The following RGS12 variants were observed in gnomAD, a reference collection of about 807,000 sequenced individuals.
RGS12 encodes the protein regulator of G-protein signaling 12.
In RGS12, 66 loss-of-function variants were observed where a neutral mutation model predicts 120.1. That is an observed-to-expected ratio of 0.55 (90% CI 0.45 to 0.67). The LOEUF (loss-of-function observed/expected upper bound fraction) is 0.67, where lower values mean the gene tolerates loss of function less well. Ranked by LOEUF, RGS12 falls within the 30% of genes least tolerant of loss-of-function variation. The pLI, the probability that RGS12 is intolerant of heterozygous loss-of-function variation, is 0.00. For synonymous variants in RGS12, 827 were observed against 804.7 expected (o/e 1.03, Z -0.47); for missense variants, 1,859 against 1,957.7 (o/e 0.95, Z 0.95).
Position 3,316,649 on chromosome 4 carries a change from AT to A in RGS12, c.481del (p.Ser161GlnfsTer4). 6.2e-7 allele frequency: 1 copy of A among 1,614,136 alleles called. No individual in the cohort carries two copies. Among genetic ancestry groups the A allele is most frequent in the Non-Finnish European group, 8.5e-7 (1 of 1,180,018 alleles). On this transcript the variant is annotated frameshift_variant, in exon 2 of 18. Coordinates refer to ENST00000336727, the MANE Select transcript of RGS12 (RefSeq NM_001394154.1). LOFTEE classifies it high-confidence loss of function. ...GAAAACCCGAGCCTTTGTGCGAGCA[AT>A]TCAGAGCCCTTGAAATTGAAACAAA... ...IFENPSLCAS[N>X]SEPLKLKQRS...
chr4:3,294,943 G>C (rs1723284751), intron 1 of RGS12, among the ~76,000 whole-genome samples: 2 of 152,190 alleles, frequency 1.3e-5, no homozygotes, highest in South Asian at 2.1e-4. Context: ...GAGAGGGCAG[G>C]GGTGGCGCGG....
intron 3 of RGS12, among the ~76,000 whole-genome samples, chr4:3,371,410 C>T (rs548845455): frequency 6.6e-6 from 1 of 152,148 alleles, no homozygotes; most frequent in Non-Finnish European, 1.5e-5. Context: ...GCCATTTGTA[C>T]TTATTTGTAG....
chr4:3,323,872 TGA>T (rs72232319), intron 2 of RGS12: 34,590 of 138,208 alleles, frequency 0.25, 4,563 homozygotes, highest in East Asian at 0.32. Flanking sequence ...TGTGTGTGTG[TGA>T]GAGAGAGAGA....
intron 3 of RGS12, among the ~76,000 whole-genome samples, chr4:3,377,795 C>T (rs1225130672): frequency 3.3e-5 from 5 of 152,124 alleles, no homozygotes; most frequent in African/African-American, 7.2e-5. Context: ...TTCAAGAGAC[C>T]CACCGAGGAG....
rs2108865223 is a variant in RGS12 at position 3,365,805 on chromosome 4, T to TG, written c.1999-20608dup. ...CAGTCTGCTTTTTAAACCCATTATA[T>TG]GGGAAATTTTCTGAACTGTCCTTAA... On this transcript the variant is annotated intron_variant, in intron 3 of 17. Coordinates refer to ENST00000336727, the MANE Select transcript of RGS12 (RefSeq NM_001394154.1). This position sits in a 1 kb window ranked among gnomAD's most constrained non-coding sequence, Gnocchi z 4.0. 6.6e-6 allele frequency among the ~76,000 whole-genome samples: 1 copy of TG among 152,304 alleles called. No individual in the cohort carries two copies. The highest frequency in any genetic ancestry group is 1.9e-4 in the East Asian group (1 of 5,190).
intron 3 of RGS12, 86 bp downstream of exon 3, chr4:3,343,139 G>C (rs1203925339): frequency 2.1e-6 from 2 of 936,650 alleles, no homozygotes; most frequent in African/African-American, 3.3e-5. Flanking sequence ...GCTGTTTTTT[G>C]AGTCCCTGTG....
In RGS12 at chr4:3,411,629, C is replaced by T. The variant is rs188249048; in HGVS notation, c.2021-2443C>T. 1.1e-4 allele frequency among the ~76,000 whole-genome samples: 17 copies of T among 152,380 alleles called. No individual in the cohort carries two copies. In the East Asian group the frequency reaches 3.1e-3, roughly 28 times the overall value. On this transcript the variant is annotated intron_variant, in intron 4 of 17. Transcript: ENST00000336727. ...TCTGTGATGTTTTGCTCCTCACTTC[C>T]CTGGTGACAGGATATTAGGCAAGCA...
chr4:3,326,564 A>G (rs757838762), intron 2 of RGS12, among the ~76,000 whole-genome samples: 11 of 152,238 alleles, frequency 7.2e-5, no homozygotes, highest in Non-Finnish European at 1.5e-4. Context: ...ATATCTAGAA[A>G]AACCTAAAGA....
At chr4:3,391,290 A>C (rs1039952453) in intron 4 of RGS12, among the ~76,000 whole-genome samples, 4 of 152,232 alleles carry the variant, frequency 2.6e-5, no homozygotes, top group African/African-American at 9.6e-5. Flanking sequence ...TGGAGACTTG[A>C]TTTCTGCCAG....
chr4:3,425,119 A>C (rs950704418), intron 13 of RGS12, among the ~76,000 whole-genome samples: 1 of 152,182 alleles, frequency 6.6e-6, no homozygotes, highest in African/African-American at 2.4e-5. Flanking sequence ...CCTTGTTTAC[A>C]AAGGGGAACA....
chr4:3,349,396 T>A (rs1055653201), intron 3 of RGS12, among the ~76,000 whole-genome samples: 1 of 152,238 alleles, frequency 6.6e-6, no homozygotes, highest in Non-Finnish European at 1.5e-5. Context: ...TATTCATTTT[T>A]GTTTTTAACC....
intron 1 of RGS12, among the ~76,000 whole-genome samples, chr4:3,307,190 T>TTTGCCGACGTG (rs1265709689): frequency 6.6e-6 from 1 of 152,222 alleles, no homozygotes; most frequent in Non-Finnish European, 1.5e-5. Flanking sequence ...GGATACGGCC[T>TTTGCCGACGTG]TTGCCGACGT....
In RGS12 at chr4:3,423,506, C is replaced by A. The variant is rs762727872; in HGVS notation, c.3108-9C>A. 37 of 1,612,782 alleles carry A rather than the reference C, an allele frequency of 2.3e-5. 1 individual carries two copies. The highest frequency in any genetic ancestry group is 2.8e-5 in the Non-Finnish European group (33 of 1,179,574). ...TGAGTTGGTAGTGAATTTTTTCATCCCCCACCAGGCTGGATCTTGTTCCGA... is the reference window on the plus strand; with the variant it reads ...TGAGTTGGTAGTGAATTTTTTCATCACCCACCAGGCTGGATCTTGTTCCGA... On this transcript the variant is annotated splice_polypyrimidine_tract_variant and intron_variant, in intron 12 of 17. Transcript: ENST00000336727.
intron 1 of RGS12, among the ~76,000 whole-genome samples, chr4:3,309,500 C>T (rs1476966239): frequency 9.2e-6 from 1 of 108,276 alleles, no homozygotes; most frequent in African/African-American, 3.5e-5. Flanking sequence ...GGAGCTGGGA[C>T]CCGGGAAATG....
chr4:3,406,008 C>G (rs946682918), intron 4 of RGS12, among the ~76,000 whole-genome samples: 4 of 152,026 alleles, frequency 2.6e-5, no homozygotes, highest in African/African-American at 9.7e-5. Context: ...CTCGTATGTC[C>G]CGGCTCCCCC....
chr4:3,435,586 C>CT (rs1238516189), intron 17 of RGS12, among the ~76,000 whole-genome samples: 1 of 150,456 alleles, frequency 6.6e-6, no homozygotes, highest in African/African-American at 2.4e-5. Context: ...AGAGCCCTGT[C>CT]TCCCCCCAGC....
intron 11 of RGS12, 120 bp from the exon 12 acceptor site, chr4:3,422,785 G>T: frequency 9.6e-7 from 1 of 1,044,882 alleles, no homozygotes; most frequent in Non-Finnish European, 1.5e-6. Flanking sequence ...CGCTTTCTTT[G>T]GATGGCTGTT....
chr4:3,378,482 G>A (rs1717922932), intron 3 of RGS12: 1 of 152,236 alleles, frequency 6.6e-6, no homozygotes, highest in African/African-American at 2.4e-5. Flanking sequence ...AAACGAACCT[G>A]TGAATGGGAG....
rs543779980 is a variant in RGS12, at chr4:3,367,623, CT to C, written c.1999-18792del. Among the ~76,000 whole-genome samples, 211 of 152,368 alleles carry C rather than the reference CT, an allele frequency of 1.4e-3. 1 individual carries two copies. The highest frequency in any genetic ancestry group is 4.9e-3 in the African/African-American group (204 of 41,592). ...GGACCTCTGACCATGTGGCAGGGGG[CT>C]CATCCCCGTCTCCCCAGGGCACTTG... On this transcript the variant is annotated intron_variant, in intron 3 of 17. Coordinates refer to ENST00000336727, the MANE Select transcript of RGS12 (RefSeq NM_001394154.1).
Sources: gnomAD v4.1 joint callset for allele counts (sites outside exome capture counted in the v4.1 genomes callset) on GRCh38, gnomAD v4.1.1 for gene constraint, Gnocchi (gnomAD v3.1) non-coding constraint, MANE v1.5 for transcripts, NCBI Gene and HGNC (gene_info 2026-07-23, HGNC 2026-07-21) for gene names.